The following GLIS3 variants were observed in gnomAD, a reference collection of about 807,000 sequenced individuals.
GLIS3 encodes the protein GLIS family zinc finger 3.
GLIS3 carries 53 observed loss-of-function variants against 78.6 expected under a neutral mutation model. The observed-to-expected ratio is 0.67, with a 90% confidence interval of 0.54 to 0.85. The LOEUF (loss-of-function observed/expected upper bound fraction) is 0.85. Among genes scored for constraint, GLIS3 ranks in the 40% least tolerant of loss-of-function variants. GLIS3 has a pLI of 0.00. For synonymous variants in GLIS3, 684 were observed against 509.9 expected, an observed-to-expected ratio of 1.34 and a Z score of -4.60; for missense variants, 1,703 against 1,231.1, an observed-to-expected ratio of 1.38 and a Z score of -5.74.
intron 2 of GLIS3, among the ~76,000 whole-genome samples, chr9:4,195,682 G>A (rs566036558): frequency 1.3e-3 from 194 of 152,382 alleles, no homozygotes; most frequent in African/African-American, 3.9e-3. Flanking sequence ...TGGCACTGGC[G>A]GGCAGCTCCG....
intron 6 of GLIS3, among the ~76,000 whole-genome samples, chr9:3,901,554 A>G (rs747816631): frequency 6.6e-6 from 1 of 152,210 alleles, no homozygotes; most frequent in Non-Finnish European, 1.5e-5. Flanking sequence ...AAGAAAGACA[A>G]ACACACACAT....
Position 3,829,403 on chromosome 9 carries a change from G to T in GLIS3, c.2563C>A (p.Pro855Thr). 6.2e-7 allele frequency: 1 copy of T among 1,614,126 alleles called. No homozygotes were observed. The highest frequency in any genetic ancestry group is 8.5e-7 in the Non-Finnish European group (1 of 1,179,990). Residue 855 changes from proline (P) to threonine (T), a missense_variant, in exon 10 of 11, where the codon CCT becomes ACT. Physicochemically the swap from Pro to Thr is conservative, Grantham distance 38. Transcript: ENST00000381971. ...GGGACTAGGCAGTCCTCAAACGAAGGCACCACACTGCAGGAGCTGACAGGC... is the reference window on the plus strand; with the variant it reads ...GGGACTAGGCAGTCCTCAAACGAAGTCACCACACTGCAGGAGCTGACAGGC... ...VPPVSSCSVV[P>T]SFEDCLVPTS...
At chr9:3,831,940 A>G (rs1177981535) in intron 9 of GLIS3, among the ~76,000 whole-genome samples, 1 of 151,944 alleles carries the variant, frequency 6.6e-6, no homozygotes, top group Non-Finnish European at 1.5e-5. Context: ...TACCATATCT[A>G]TAGTTGTCTT....
Position 4,299,393 on chromosome 9 carries a change from G to T in GLIS3, c.-99+28C>A, listed in dbSNP as rs529086429. 11 of 152,422 alleles carry T rather than the reference G, an allele frequency of 7.2e-5. No individual in the cohort carries two copies. The East Asian group carries it at 2.1e-3, about 29-fold the overall frequency. The allele number at this position is 152,422 out of a possible 1,614,324, so 9.4% of individuals were successfully genotyped here. A position where few individuals can be genotyped will look rare whatever the true frequency, so the allele number is the denominator to read the frequency against. On this transcript the variant is annotated intron_variant, in intron 1 of 10. Transcript: ENST00000381971. ...CGGTTTCTCCTCGTCTCTCGCCTGC[G>T]AGCAAAGTTCCTATGGCATCCACTT...
chr9:4,438,036 A>T, the GLIS3 span, among the ~76,000 whole-genome samples: 2 of 152,166 alleles, frequency 1.3e-5, no homozygotes, highest in Admixed American at 1.3e-4. Flanking sequence ...TGTATAAGGG[A>T]TTGGTGCCTC....
chr9:4,080,672 A>G (rs1564021272), intron 4 of GLIS3, among the ~76,000 whole-genome samples: 1 of 152,174 alleles, frequency 6.6e-6, no homozygotes, highest in Non-Finnish European at 1.5e-5. Flanking sequence ...TAGATTTCTG[A>G]CACTAATCCT....
At chr9:4,186,063 A>G (rs190038621) in intron 2 of GLIS3, among the ~76,000 whole-genome samples, 1,721 of 151,964 alleles carry the variant, frequency 0.011, 15 homozygotes, top group Non-Finnish European at 0.018. Context: ...GGTTAGTTAC[A>G]TATGTATACA....
At chr9:4,082,125 G>A (rs564226836) in intron 4 of GLIS3, among the ~76,000 whole-genome samples, 248 of 152,300 alleles carry the variant, frequency 1.6e-3, no homozygotes, top group Non-Finnish European at 3.3e-3. Flanking sequence ...TTTGTGCTCT[G>A]TGCATATCAC....
the GLIS3 span, among the ~76,000 whole-genome samples, chr9:4,451,405 A>T: frequency 1.3e-5 from 2 of 152,072 alleles, no homozygotes; most frequent in Non-Finnish European, 2.9e-5. Flanking sequence ...TAATGGGGGT[A>T]TTTAACACCC....
intron 4 of GLIS3, among the ~76,000 whole-genome samples, chr9:4,010,310 G>T (rs1178012118): frequency 1.3e-5 from 2 of 152,150 alleles, no homozygotes; most frequent in Non-Finnish European, 2.9e-5. Flanking sequence ...AGCGTTTTCA[G>T]TTGCAATATG....
intron 4 of GLIS3, 62 bp from the exon 5 acceptor site, chr9:3,937,251 C>T: frequency 1.3e-6 from 2 of 1,528,116 alleles, no homozygotes; most frequent in African/African-American, 2.8e-5. Flanking sequence ...GTCTGGGGGA[C>T]AGCTAAAAAA....
intron 4 of GLIS3, among the ~76,000 whole-genome samples, chr9:4,069,519 C>A (rs1291333115): frequency 6.6e-6 from 1 of 152,194 alleles, no homozygotes; most frequent in East Asian, 1.9e-4. Flanking sequence ...CAGTGACTTT[C>A]ACAGATTCTT....
intron 8 of GLIS3, among the ~76,000 whole-genome samples, chr9:3,865,857 G>A (rs950671839): frequency 3.9e-5 from 6 of 152,168 alleles, no homozygotes; most frequent in African/African-American, 1.4e-4. Flanking sequence ...TTTGATATGT[G>A]ATTGTAATTA....
intron 4 of GLIS3, among the ~76,000 whole-genome samples, chr9:3,984,644 G>A (rs1819584101): frequency 1.3e-5 from 2 of 152,128 alleles, no homozygotes; most frequent in African/African-American, 4.8e-5. Context: ...TTAAGACTTT[G>A]GGGGACTCTT....
intron 4 of GLIS3, among the ~76,000 whole-genome samples, chr9:4,074,811 G>C (rs553318876): frequency 3.3e-5 from 5 of 152,286 alleles, no homozygotes; most frequent in South Asian, 2.1e-4. Flanking sequence ...TTGGTAACGA[G>C]ATCTTGCCTC....
chr9:4,363,510 A>G, the GLIS3 span, among the ~76,000 whole-genome samples: 1 of 152,256 alleles, frequency 6.6e-6, no homozygotes, highest in Non-Finnish European at 1.5e-5. Context: ...TTTTAAAAAA[A>G]GCAATTAAAC....
intron 7 of GLIS3, among the ~76,000 whole-genome samples, chr9:3,889,458 C>G (rs1588157456): frequency 6.6e-6 from 1 of 152,140 alleles, no homozygotes; most frequent in East Asian, 1.9e-4. Context: ...TCTCCAAAAA[C>G]CCATGGACTA....
chr9:4,161,536 C>T (rs1474389640), intron 2 of GLIS3, among the ~76,000 whole-genome samples: 1 of 152,122 alleles, frequency 6.6e-6, no homozygotes, highest in Non-Finnish European at 1.5e-5. Context: ...CCAACTCGTC[C>T]AGCCCCAGTT....
At chr9:3,923,079 A>G (rs1824995704) in intron 6 of GLIS3, among the ~76,000 whole-genome samples, 1 of 152,248 alleles carries the variant, frequency 6.6e-6, no homozygotes, top group African/African-American at 2.4e-5. Flanking sequence ...TGATGATAGC[A>G]TGGCTGGGTG....
Sources: allele counts gnomAD v4.1 joint callset (sites outside exome capture counted in the v4.1 genomes callset), GRCh38; gene constraint gnomAD v4.1.1; transcripts MANE v1.5; gene names NCBI Gene and HGNC (gene_info 2026-07-23, HGNC 2026-07-21).